RALGAPA1: variants seen among roughly 807,000 people sequenced by gnomAD.
RALGAPA1 encodes Ral GTPase activating protein catalytic subunit alpha 1, also known as ral GTPase-activating protein subunit alpha-1.
RALGAPA1 carries 52 observed loss-of-function variants against 269.6 expected under a neutral mutation model. The ratio of observed to expected loss-of-function variants is 0.19; its 90% confidence interval spans 0.15 to 0.24. The LOEUF (loss-of-function observed/expected upper bound fraction) is 0.24, where lower values mean the gene tolerates loss of function less well. RALGAPA1 is among the 10% of genes least tolerant of loss of function. The pLI is 1.00. For missense variants in RALGAPA1, 1,917 were observed against 3,013.9 expected (o/e 0.64, Z 8.52); for synonymous variants, 817 against 1,008.3 (o/e 0.81, Z 3.60).
intron 37 of RALGAPA1, among the ~76,000 whole-genome samples, chr14:35,582,331 A>C (rs1462005295): frequency 6.6e-6 from 1 of 152,272 alleles, no homozygotes; most frequent in South Asian, 2.1e-4. Flanking sequence ...TGGGTCTTCC[A>C]GTTTCTGGTG....
rs747456744 is a variant in RALGAPA1, at chr14:35,651,922, A to G, written c.5608-49T>C. The stretch of plus-strand genomic sequence containing the variant: ...TAAAAGCTCTATATATGTCAAATTA[A>G]TGGTACATCCTAAAACTTGATTGTT... On this transcript the variant is annotated intron_variant, in intron 30 of 41. Coordinates refer to ENST00000680220, the MANE Select transcript of RALGAPA1 (RefSeq NM_001346249.2). The G allele has an allele frequency of 2.7e-6, 4 of 1,457,268 alleles. No homozygotes were observed. The Admixed American group carries it at 6.4e-5, about 23-fold the overall frequency. 90.3% of individuals were successfully genotyped at this position (1,457,268 alleles called of 1,614,324 possible). A position where few individuals can be genotyped will look rare whatever the true frequency, so the allele number is the denominator to read the frequency against.
intron 39 of RALGAPA1, among the ~76,000 whole-genome samples, chr14:35,563,020 C>CAAAAAAAAAAAAAAAA (rs71445944): frequency 1.3e-4 from 5 of 37,254 alleles, no homozygotes; most frequent in African/African-American, 3.6e-4. Context: ...GAGTCCGTCT[C>CAAAAAAAAAAAAAAAA]AAAAAAAAAA....
At position 35,634,846 on chromosome 14, in the gene RALGAPA1, CA is replaced by C. The variant is rs550669192; in HGVS notation, c.5812-90del. 519 of 1,224,174 alleles carry C rather than the reference CA, an allele frequency of 4.2e-4. 2 individuals are homozygous for C. In the African/African-American group the frequency reaches 7.7e-3, roughly 18 times the overall value. 75.8% of individuals were successfully genotyped at this position (1,224,174 alleles called of 1,614,324 possible). ...GGAGGATAAAAATCAACTGGTAACACAAGAGCCTGGCAAAGATTTTAAATAT... is the reference window on the plus strand; with the variant it reads ...GGAGGATAAAAATCAACTGGTAACACAGAGCCTGGCAAAGATTTTAAATAT... On this transcript the variant is annotated intron_variant, in intron 32 of 41. Transcript: ENST00000680220.
intron 1 of RALGAPA1, among the ~76,000 whole-genome samples, chr14:35,792,487 T>C (rs1376875103): frequency 1.3e-5 from 2 of 151,936 alleles, no homozygotes; most frequent in East Asian, 3.9e-4. Flanking sequence ...TTTAGAAAGA[T>C]TGCTACAGGA....
intron 1 of RALGAPA1, among the ~76,000 whole-genome samples, chr14:35,786,480 T>C (rs1442348135): frequency 6.6e-6 from 1 of 151,316 alleles, no homozygotes; most frequent in African/African-American, 2.4e-5. Context: ...CATTAAAAAA[T>C]ACAAAAAATT....
intron 16 of RALGAPA1, among the ~76,000 whole-genome samples, chr14:35,712,541 C>T (rs1377012619): frequency 6.6e-6 from 1 of 152,118 alleles, no homozygotes; most frequent in East Asian, 1.9e-4. Context: ...CTGGAACTTG[C>T]TCTGTCACCC....
At chr14:35,765,936 G>C in intron 4 of RALGAPA1, 1 of 1,321,880 alleles carries the variant, frequency 7.6e-7, no homozygotes, top group South Asian at 1.2e-5. Context: ...TGCAGAAGGC[G>C]TATTTGGACC....
chr14:35,751,791 AAACAAC>A (rs71445958), intron 8 of RALGAPA1, among the ~76,000 whole-genome samples: 6 of 146,328 alleles, frequency 4.1e-5, no homozygotes, highest in South Asian at 4.3e-4. Context: ...CTCTTAAAAA[AAACAAC>A]AACAACAACA....
intron 35 of RALGAPA1, among the ~76,000 whole-genome samples, chr14:35,624,884 G>A (rs1203728868): frequency 6.6e-6 from 1 of 152,096 alleles, no homozygotes. Flanking sequence ...AGATGATTCT[G>A]AAATGCATAA....
intron 26 of RALGAPA1, among the ~76,000 whole-genome samples, chr14:35,665,617 T>G (rs1277520329): frequency 1.3e-5 from 2 of 152,216 alleles, no homozygotes; most frequent in East Asian, 3.8e-4. Flanking sequence ...TTATATGATT[T>G]TCAACAAAAC....
chr14:35,640,675 C>T (rs2061970490), intron 31 of RALGAPA1, among the ~76,000 whole-genome samples: 1 of 152,108 alleles, frequency 6.6e-6, no homozygotes, highest in African/African-American at 2.4e-5. Context: ...AGAACTAATA[C>T]CAATCCTTCT....
intron 4 of RALGAPA1, chr14:35,766,268 G>C (rs2074136344): frequency 1.2e-6 from 1 of 816,538 alleles, no homozygotes; most frequent in Non-Finnish European, 2.2e-6. Context: ...CAATTGTCTT[G>C]GGTGTACTGG....
At chr14:35,632,600 CT>C (rs2061426365) in intron 33 of RALGAPA1, among the ~76,000 whole-genome samples, 1 of 152,134 alleles carries the variant, frequency 6.6e-6, no homozygotes, top group Admixed American at 6.5e-5. Context: ...AGAATGAATC[CT>C]TTGGAGCCTC....
intron 16 of RALGAPA1, among the ~76,000 whole-genome samples, chr14:35,700,987 CAA>C (rs2067295532): frequency 6.6e-6 from 1 of 152,022 alleles, no homozygotes; most frequent in South Asian, 2.1e-4. Flanking sequence ...GGGTTCTTGA[CAA>C]AAATAGATAA....
In RALGAPA1 at chr14:35,750,701, T is replaced by C; in HGVS notation, c.803-11A>G. The C allele has an allele frequency of 6.4e-7, 1 of 1,555,424 alleles. No individual in the cohort carries two copies. The highest frequency in any genetic ancestry group is 8.7e-7 in the Non-Finnish European group (1 of 1,152,688). Reference sequence around the variant, plus strand: ...TCATCTGCGGGATGTCTGTGCAAAATAAAAGGAAGATGAAAACCAAAATAA... The same window carrying C: ...TCATCTGCGGGATGTCTGTGCAAAACAAAAGGAAGATGAAAACCAAAATAA... On this transcript the variant is annotated splice_polypyrimidine_tract_variant and intron_variant, in intron 8 of 41. Transcript: ENST00000680220.
intron 37 of RALGAPA1, among the ~76,000 whole-genome samples, chr14:35,575,262 T>C (rs950984952): frequency 2.6e-5 from 4 of 152,196 alleles, no homozygotes; most frequent in Admixed American, 2.6e-4. Context: ...CTTCTGTACA[T>C]GGGATAGGTC....
chr14:35,775,791 T>C (rs1222603864), intron 1 of RALGAPA1, 46 bp from the exon 2 acceptor site: 2 of 1,451,482 alleles, frequency 1.4e-6, no homozygotes, highest in Non-Finnish European at 9.1e-7. Context: ...GTATGTTAAA[T>C]CAAGTTTAGC....
intron 37 of RALGAPA1, among the ~76,000 whole-genome samples, chr14:35,574,901 C>T (rs538571108): frequency 5.9e-5 from 9 of 151,882 alleles, no homozygotes; most frequent in Non-Finnish European, 1.5e-5. Flanking sequence ...CTAAGGCGGG[C>T]GAATCACCTG....
At chr14:35,782,316 T>C (rs1432485384) in intron 1 of RALGAPA1, among the ~76,000 whole-genome samples, 1 of 152,198 alleles carries the variant, frequency 6.6e-6, no homozygotes, top group East Asian at 1.9e-4. Flanking sequence ...TGAAAAAAAT[T>C]AAAGACTAAA....
Sources: gnomAD v4.1 joint callset for allele counts (sites outside exome capture counted in the v4.1 genomes callset) on GRCh38, gnomAD v4.1.1 for gene constraint, MANE v1.5 for transcripts, NCBI Gene and HGNC (gene_info 2026-07-23, HGNC 2026-07-21) for gene names.